Variants in COLQ observed in about 807,000 individuals in gnomAD.
COLQ encodes collagen like tail subunit of asymmetric acetylcholinesterase.
Under a neutral mutation model 69.0 loss-of-function variants are expected in COLQ, and 48 were observed. The ratio of observed to expected loss-of-function variants is 0.70; its 90% CI spans 0.55 to 0.88. The LOEUF (loss-of-function observed/expected upper bound fraction) is 0.88, where lower values mean the gene tolerates loss of function less well. COLQ is among the 40% of genes least tolerant of loss of function. The pLI, the probability that COLQ is intolerant of heterozygous loss-of-function variation, is 0.00. For missense variants in COLQ, 618 were observed against 594.6 expected, an observed-to-expected ratio of 1.04 and a Z score of -0.41; for synonymous variants, 217 against 211.2, an observed-to-expected ratio of 1.03 and a Z score of -0.24.
chr3:15,463,507 C>T (rs910212546), intron 12 of COLQ, among the ~76,000 whole-genome samples: 8 of 151,868 alleles, frequency 5.3e-5, no homozygotes, highest in Admixed American at 2.0e-4. Context: ...CCACTACGCC[C>T]GGCTAATTTT....
intron 16 of COLQ, among the ~76,000 whole-genome samples, chr3:15,453,597 A>G (rs1472661207): frequency 6.6e-6 from 1 of 152,092 alleles, no homozygotes; most frequent in Non-Finnish European, 1.5e-5. Flanking sequence ...CCTTGGATGG[A>G]GCAGGTGGCT....
In COLQ at chr3:15,510,125, G is replaced by A. The variant is rs1195703116; in HGVS notation, c.106+11395C>T. 2.0e-5 allele frequency among the ~76,000 whole-genome samples: 3 copies of A among 152,060 alleles called. No homozygotes were observed. The South Asian group carries it at 6.2e-4, about 32-fold the overall frequency. On this transcript the variant is annotated intron_variant, in intron 1 of 16. Coordinates refer to ENST00000383788, the MANE Select transcript of COLQ (RefSeq NM_005677.4). Reference sequence around the variant, plus strand: ...CCGGAGGCAGAGCTTGCAGTGAGCCGAGATCGCGCCACTGCAGTCTAGCCT... The same window carrying A: ...CCGGAGGCAGAGCTTGCAGTGAGCCAAGATCGCGCCACTGCAGTCTAGCCT...
intron 3 of COLQ, among the ~76,000 whole-genome samples, chr3:15,487,271 A>T (rs554672077): frequency 6.6e-6 from 1 of 152,304 alleles, no homozygotes; most frequent in South Asian, 2.1e-4. Context: ...GCCATGATAC[A>T]AACCAGAAAG....
chr3:15,461,198 G>A (rs28404861), intron 12 of COLQ, among the ~76,000 whole-genome samples: 4 of 145,250 alleles, frequency 2.8e-5, no homozygotes, highest in South Asian at 2.2e-4. Context: ...TTCCCCCCCC[G>A]ACCTCTTAGC....
At chr3:15,466,846 C>T (rs1237985282) in intron 11 of COLQ, among the ~76,000 whole-genome samples, 4 of 152,238 alleles carry the variant, frequency 2.6e-5, no homozygotes, top group Admixed American at 6.5e-5. Context: ...TTCATTCCAG[C>T]CTTTTGGCCT....
At chr3:15,508,341 T>C (rs1038593938) in intron 1 of COLQ, among the ~76,000 whole-genome samples, 3 of 152,184 alleles carry the variant, frequency 2.0e-5, no homozygotes, top group African/African-American at 7.2e-5. Flanking sequence ...TTGCCTTCAT[T>C]TGAAACATTA....
In COLQ at chr3:15,456,543, G is replaced by A; in HGVS notation, c.991C>T (p.Leu331=). 6.2e-7 allele frequency: 1 copy of A among 1,614,160 alleles called. No homozygotes were observed. Among genetic ancestry groups the A allele is most frequent in the Non-Finnish European group, 8.5e-7 (1 of 1,180,024 alleles). The change falls in exon 14 of 17, where the codon CTG becomes TTG. Residue 331 remains leucine (L), a synonymous_variant. Coordinates refer to ENST00000383788, the MANE Select transcript of COLQ (RefSeq NM_005677.4). ...VVNNQEELER[L]NTQNAIAFRR... is the part of the protein sequence containing the mutation. ...AAGGCAATGGCGTTTTGGGTGTTCAGCCTCTCAAGCTCCTCCTGGTTGTTG... is the reference window on the plus strand; with the variant it reads ...AAGGCAATGGCGTTTTGGGTGTTCAACCTCTCAAGCTCCTCCTGGTTGTTG...
chr3:15,465,129 G>C (rs1391998022), intron 12 of COLQ, among the ~76,000 whole-genome samples: 1 of 150,776 alleles, frequency 6.6e-6, no homozygotes, highest in Non-Finnish European at 1.5e-5. Flanking sequence ...AGCCAAGATC[G>C]CACCACTGCA....
intron 12 of COLQ, among the ~76,000 whole-genome samples, chr3:15,458,997 C>T (rs1460498230): frequency 6.6e-6 from 1 of 152,080 alleles, no homozygotes; most frequent in East Asian, 1.9e-4. Flanking sequence ...GTGTGTGCCA[C>T]CACACCAGGC....
chr3:15,504,784 C>T (rs1015530347), intron 1 of COLQ, among the ~76,000 whole-genome samples: 1 of 152,174 alleles, frequency 6.6e-6, no homozygotes, highest in Admixed American at 6.5e-5. Context: ...CGTTTGAACC[C>T]GGAAACTGAA....
At chr3:15,508,020 G>A (rs561383826) in intron 1 of COLQ, among the ~76,000 whole-genome samples, 54 of 151,702 alleles carry the variant, frequency 3.6e-4, no homozygotes, top group African/African-American at 1.2e-3. Flanking sequence ...TAGAATTCTC[G>A]CCTCCCACAT....
rs909354 is a variant in COLQ, at chr3:15,478,737, C to T, written c.393+240G>A. On this transcript the variant is annotated intron_variant, in intron 5 of 16. Coordinates refer to ENST00000383788, the MANE Select transcript of COLQ (RefSeq NM_005677.4). ...GTGAGAGGGGTGGAATTTGGCCAGG[C>T]TTGGCAGCCCCCGGAAGAAGTCTGA... 233,518 of 605,328 alleles carry T rather than the reference C, an allele frequency of 0.39. 46,037 individuals are homozygous for T. The highest frequency in any genetic ancestry group is 0.48 in the East Asian group (17,091 of 35,400). 37.5% of individuals were successfully genotyped at this position (605,328 alleles called of 1,614,324 possible). A position where few individuals can be genotyped will look rare whatever the true frequency, so the allele number is the denominator to read the frequency against.
At chr3:15,488,862 C>T (rs949962569) in intron 2 of COLQ, among the ~76,000 whole-genome samples, 2 of 152,198 alleles carry the variant, frequency 1.3e-5, no homozygotes, top group Non-Finnish European at 2.9e-5. Context: ...TTACAGCACA[C>T]CTCAACTTGA....
rs2062131345 is a variant in COLQ, at chr3:15,462,321, C to T, written c.815-3996G>A. On this transcript the variant is annotated intron_variant, in intron 12 of 16. Transcript: ENST00000383788. ...CTAGGATTACAGGCGTAAGCCACCG[C>T]GCCCGGCTGAATATCTCTTTTTAAC... 2.0e-5 allele frequency among the ~76,000 whole-genome samples: 3 copies of T among 152,170 alleles called. No homozygotes were observed. The South Asian group carries it at 6.2e-4, about 31-fold the overall frequency.
chr3:15,461,241 G>T (rs1248706091), intron 12 of COLQ, among the ~76,000 whole-genome samples: 1 of 147,530 alleles, frequency 6.8e-6, no homozygotes, highest in Non-Finnish European at 1.5e-5. Flanking sequence ...TAAGTACAAA[G>T]CTCTCACCCT....
In COLQ at chr3:15,455,900, G is replaced by C; in HGVS notation, c.1194C>G (p.Ile398Met). Residue 398 changes from isoleucine to methionine, a missense_variant and splice_region_variant, in exon 15 of 17, where the codon ATC becomes ATG. Transcript: ENST00000383788. ...CCTCCTGGTCTGGGCCTCACTCACG[G>C]ATGCAGTCGTCACCCACATCGCTGT... ...DGNSDVGDDC[I>M]RCHRAYCGDG... 1 of 1,614,062 alleles carries C rather than the reference G, an allele frequency of 6.2e-7. No individual in the cohort carries two copies. Among genetic ancestry groups the C allele is most frequent in the Non-Finnish European group, 8.5e-7 (1 of 1,179,982 alleles).
At chr3:15,470,426 A>G in intron 11 of COLQ, 110 bp downstream of exon 11, 2 of 956,346 alleles carry the variant, frequency 2.1e-6, no homozygotes, top group Admixed American at 3.4e-5. Context: ...AGGATGCTGG[A>G]GTCAAGGTCT....
intron 14 of COLQ, 101 bp from the exon 15 acceptor site, chr3:15,456,120 ATG>A (rs2062021215): frequency 7.3e-7 from 1 of 1,366,256 alleles, no homozygotes; most frequent in African/African-American, 1.4e-5. Context: ...GCTGGGGGGC[ATG>A]CCTTGACTTC....
chr3:15,477,267 C>T, intron 5 of COLQ, 70 bp from the exon 6 acceptor site: 1 of 1,428,550 alleles, frequency 7.0e-7, no homozygotes. Context: ...TATGTTTTGT[C>T]TCTGGGGCCC....
Sources: allele counts gnomAD v4.1 joint callset (sites outside exome capture counted in the v4.1 genomes callset), GRCh38; gene constraint gnomAD v4.1.1; transcripts MANE v1.5; gene names NCBI Gene and HGNC (gene_info 2026-07-23, HGNC 2026-07-21).